MMEL1: variants seen among roughly 807,000 people sequenced by gnomAD.
MMEL1 encodes membrane metalloendopeptidase like 1.
In MMEL1, 98 loss-of-function variants were observed where a neutral mutation model predicts 117.1. The ratio of observed to expected loss-of-function variants is 0.84; its 90% CI spans 0.71 to 0.99. The LOEUF is 0.99. MMEL1 is among the 50% of genes least tolerant of loss of function. The probability of loss-of-function intolerance (pLI) is 0.00; values close to 1 mark genes in which losing one functional copy is unlikely to be tolerated. For missense variants in MMEL1, 1,014 were observed against 1,049.1 expected (o/e 0.97, Z 0.46); for synonymous variants, 390 against 415.1 (o/e 0.94, Z 0.74).
intron 4 of MMEL1, 47 bp downstream of exon 4, chr1:2,611,233 GC>G: frequency 6.5e-7 from 1 of 1,527,738 alleles, no homozygotes. Flanking sequence ...TCAGCCGGGA[GC>G]CCCCAGCCCT....
At chr1:2,610,497 C>T (rs569151678) in intron 4 of MMEL1, among the ~76,000 whole-genome samples, 19 of 152,302 alleles carry the variant, frequency 1.2e-4, no homozygotes, top group Non-Finnish European at 2.2e-4. Flanking sequence ...CCCTGTAAGC[C>T]GGGCCCAGCT....
At chr1:2,594,674 A>G in intron 17 of MMEL1, 116 bp downstream of exon 17, 3 of 969,992 alleles carry the variant, frequency 3.1e-6, no homozygotes, top group Non-Finnish European at 4.8e-6. Context: ...TGCACCCCTC[A>G]GCTGGCACTG....
Position 2,590,912 on chromosome 1 carries a change from TCGC to T in MMEL1, c.*75_*77del. On this transcript the variant is annotated 3_prime_UTR_variant, in exon 24 of 24. Coordinates refer to ENST00000378412, the MANE Select transcript of MMEL1 (RefSeq NM_033467.4). ...TGGCCGGGGCGGGACGTACACTGGG[TCGC>T]CGCTAGCTGCACCTTCGCACAGATG... is the stretch of plus-strand genomic sequence containing the variant. 3 of 1,155,838 alleles carry T rather than the reference TCGC, an allele frequency of 2.6e-6. No individual in the cohort carries two copies. Among genetic ancestry groups the T allele is most frequent in the Non-Finnish European group, 3.4e-6 (3 of 879,648 alleles). 71.6% of individuals were successfully genotyped at this position (1,155,838 alleles called of 1,614,324 possible). A position where few individuals can be genotyped will look rare whatever the true frequency, so the allele number is the denominator to read the frequency against.
chr1:2,595,006 G>T lies in MMEL1; in HGVS notation c.1585-113C>A, dbSNP rs111259181. ...CTCAAGCCTTGCCAGGCGTCCGCAC[G>T]TGGACAGTCGGCTGTGGGTGCAGGT... On this transcript the variant is annotated intron_variant, in intron 16 of 23. Coordinates refer to ENST00000378412, the MANE Select transcript of MMEL1 (RefSeq NM_033467.4). This position sits in a 1 kb window ranked among gnomAD's most constrained non-coding sequence, Gnocchi z 4.8. 1 of 867,864 alleles carries T rather than the reference G, an allele frequency of 1.2e-6. No individual in the cohort carries two copies. Among genetic ancestry groups the T allele is most frequent in the East Asian group, 2.5e-5 (1 of 40,662 alleles). The allele number at this position is 867,864 out of a possible 1,614,324, so 53.8% of individuals were successfully genotyped here. A position where few individuals can be genotyped will look rare whatever the true frequency, so the allele number is the denominator to read the frequency against.
At chr1:2,614,494 G>T (rs1027834829) in intron 2 of MMEL1, among the ~76,000 whole-genome samples, 1 of 152,236 alleles carries the variant, frequency 6.6e-6, no homozygotes, top group Non-Finnish European at 1.5e-5. Flanking sequence ...GACAAGGAAA[G>T]GAGGAAGTCA....
chr1:2,597,644 T>C (rs1228436860), intron 13 of MMEL1, among the ~76,000 whole-genome samples: 1 of 152,152 alleles, frequency 6.6e-6, no homozygotes, highest in Admixed American at 6.5e-5. Flanking sequence ...AGGGCCTCCC[T>C]GCGGTTCCTT....
intron 7 of MMEL1, 118 bp downstream of exon 7, chr1:2,606,856 G>C (rs944011330): frequency 3.2e-6 from 3 of 946,752 alleles, no homozygotes; most frequent in Admixed American, 3.9e-5. Context: ...TGGGGCTCCT[G>C]AGAGCAGCCA....
intron 18 of MMEL1, 48 bp downstream of exon 18, chr1:2,594,337 A>C: frequency 6.5e-7 from 1 of 1,543,054 alleles, no homozygotes; most frequent in South Asian, 1.2e-5. Context: ...CACCCCTTCA[A>C]CTCTGGCACC....
Position 2,604,130 on chromosome 1 carries a change from C to CCCCCCCCCCCCCAAACAATG in MMEL1, c.951+16_951+17insCATTGTTTGGGGGGGGGGGG. ...GCCCACTCGCTGCCCGCTCCCCACC[C>CCCCCCCCCCCCCAAACAATG]GCCCCGGCCCCCTTACCTTGGCCAG... On this transcript the variant is annotated intron_variant, in intron 10 of 23. Transcript: ENST00000378412. 1 of 1,508,146 alleles carries CCCCCCCCCCCCCAAACAATG rather than the reference C, an allele frequency of 6.6e-7. No homozygotes were observed. The highest frequency in any genetic ancestry group is 9.2e-7 in the Non-Finnish European group (1 of 1,092,012). The allele number at this position is 1,508,146 out of a possible 1,614,324, so 93.4% of individuals were successfully genotyped here. A position where few individuals can be genotyped will look rare whatever the true frequency, so the allele number is the denominator to read the frequency against.
intron 1 of MMEL1, 55 bp from the exon 2 acceptor site, chr1:2,629,576 GC>G: frequency 1.5e-6 from 2 of 1,362,132 alleles, no homozygotes; most frequent in Non-Finnish European, 9.5e-7. Context: ...CCCGAGCCCG[GC>G]CCGAGGCTGG....
intron 11 of MMEL1, among the ~76,000 whole-genome samples, chr1:2,601,815 G>A (rs914391863): frequency 1.3e-5 from 2 of 152,200 alleles, no homozygotes; most frequent in African/African-American, 4.8e-5. Flanking sequence ...AACCTCCTCC[G>A]CCCTTGGGGA....
At chr1:2,615,318 A>C (rs1169408316) in intron 2 of MMEL1, among the ~76,000 whole-genome samples, 1 of 152,184 alleles carries the variant, frequency 6.6e-6, no homozygotes, top group East Asian at 1.9e-4. Context: ...CAGTCATTGA[A>C]AGTGTGCACC....
chr1:2,609,618 G>T, intron 5 of MMEL1, 52 bp downstream of exon 5: 1 of 1,577,500 alleles, frequency 6.3e-7, no homozygotes, highest in Non-Finnish European at 8.6e-7. Context: ...TCCTGGCCCG[G>T]TGCTGTCCTG....
intron 2 of MMEL1, among the ~76,000 whole-genome samples, chr1:2,619,209 C>A (rs1033293065): frequency 6.6e-6 from 1 of 152,148 alleles, no homozygotes; most frequent in Non-Finnish European, 1.5e-5. Context: ...GACAGAGCAC[C>A]CCAGCTGAGC....
Position 2,591,489 on chromosome 1 carries a change from T to C in MMEL1, c.2240+68A>G. 10 of 1,301,272 alleles carry C rather than the reference T, an allele frequency of 7.7e-6. No homozygotes were observed. The South Asian group carries it at 1.1e-4, about 14-fold the overall frequency. 80.6% of individuals were successfully genotyped at this position (1,301,272 alleles called of 1,614,324 possible). The stretch of plus-strand genomic sequence containing the variant: ...AGCCACTTTTTGTGCTTTCTTCTTT[T>C]ACAGGCCACTGGGGTGGGGGTGAGG... On this transcript the variant is annotated intron_variant, in intron 23 of 23. Coordinates refer to ENST00000378412, the MANE Select transcript of MMEL1 (RefSeq NM_033467.4).
chr1:2,599,612 CT>C (rs748553776), intron 11 of MMEL1, among the ~76,000 whole-genome samples: 3 of 152,216 alleles, frequency 2.0e-5, no homozygotes, highest in Non-Finnish European at 4.4e-5. Flanking sequence ...AATCCCAACA[CT>C]TTGGGAGGTC....
Position 2,598,070 on chromosome 1 carries a change from G to T in MMEL1, c.1272+137C>A, listed in dbSNP as rs530216299. On this transcript the variant is annotated intron_variant, in intron 13 of 23. Transcript: ENST00000378412. ...TGACTGTCATGGTCCACTCCCCACT[G>T]GGGTGGGCGCCTCGCCCTGCCTCGT... 9.3e-6 allele frequency: 7 copies of T among 756,468 alleles called. No homozygotes were observed. The Admixed American group carries it at 1.5e-4, about 16-fold the overall frequency. The allele number at this position is 756,468 out of a possible 1,614,324, so 46.9% of individuals were successfully genotyped here.
At chr1:2,594,723 G>C in intron 17 of MMEL1, 67 bp downstream of exon 17, 1 of 1,365,410 alleles carries the variant, frequency 7.3e-7, no homozygotes, top group Non-Finnish European at 1.0e-6. Flanking sequence ...CTGGCAGGCA[G>C]CCCTGCACGC....
chr1:2,611,675 CA>C (rs1645131278), intron 3 of MMEL1, among the ~76,000 whole-genome samples: 3 of 152,188 alleles, frequency 2.0e-5, no homozygotes, highest in South Asian at 4.1e-4. Context: ...TTGACCGCTG[CA>C]GGGACCTGGG....
Sources: gnomAD v4.1 joint callset for allele counts (sites outside exome capture counted in the v4.1 genomes callset) on GRCh38, gnomAD v4.1.1 for gene constraint, Gnocchi (gnomAD v3.1) non-coding constraint, MANE v1.5 for transcripts, NCBI Gene and HGNC (gene_info 2026-07-23, HGNC 2026-07-21) for gene names.